Variants in IQCM observed in about 807,000 individuals in gnomAD.
The protein encoded by IQCM is IQ motif containing M.
A neutral mutation model predicts 57.6 loss-of-function variants in IQCM; 45 were observed. The observed-to-expected ratio is 0.78, with a 90% CI of 0.62 to 1.00. The LOEUF is 1.00. Among genes scored for constraint, IQCM ranks in the 50% least tolerant of loss-of-function variants. IQCM has a pLI of 0.00. For synonymous variants in IQCM, 148 were observed against 158.9 expected, an observed-to-expected ratio of 0.93 and a Z score of 0.51; for missense variants, 468 against 511.6, an observed-to-expected ratio of 0.91 and a Z score of 0.82.
chr4:149,704,286 C>T (rs1763989836), intron 5 of IQCM, among the ~76,000 whole-genome samples: 1 of 151,830 alleles, frequency 6.6e-6, no homozygotes, highest in Non-Finnish European at 1.5e-5. Context: ...TCTTGCTCAA[C>T]CCCTGGAATA....
At chr4:149,604,433 A>G (rs892467180) in intron 8 of IQCM, among the ~76,000 whole-genome samples, 1 of 152,190 alleles carries the variant, frequency 6.6e-6, no homozygotes, top group African/African-American at 2.4e-5. Context: ...CTAAAGGTAT[A>G]TAACTAAAGA....
chr4:149,793,713 G>C (rs970262533), intron 2 of IQCM: 4 of 151,796 alleles, frequency 2.6e-5, no homozygotes, highest in Non-Finnish European at 4.4e-5. Context: ...GTCCATGATA[G>C]AATCTATAAA....
intron 5 of IQCM, among the ~76,000 whole-genome samples, chr4:149,694,703 C>T (rs1391432679): frequency 6.6e-6 from 1 of 152,098 alleles, no homozygotes; most frequent in African/African-American, 2.4e-5. Context: ...GAGTGTGTTC[C>T]TCATCACAGA....
intron 12 of IQCM, among the ~76,000 whole-genome samples, chr4:149,443,286 G>A (rs755344981): frequency 6.6e-6 from 1 of 152,014 alleles, no homozygotes; most frequent in Non-Finnish European, 1.5e-5. Flanking sequence ...ATCTAGATTA[G>A]TGTTTGATTG....
At chr4:149,427,181 C>T (rs77396059) in intron 13 of IQCM, among the ~76,000 whole-genome samples, 1 of 151,960 alleles carries the variant, frequency 6.6e-6, no homozygotes, top group South Asian at 2.1e-4. Flanking sequence ...AGCCAAAACT[C>T]TGATGTTGCT....
intron 7 of IQCM, among the ~76,000 whole-genome samples, chr4:149,649,196 C>T (rs1164625250): frequency 6.6e-6 from 1 of 151,884 alleles, no homozygotes; most frequent in Non-Finnish European, 1.5e-5. Context: ...GAAAAGGACC[C>T]CTCCTTTTCT....
At chr4:149,418,333 A>G (rs76265108) in intron 13 of IQCM, among the ~76,000 whole-genome samples, 9,320 of 152,180 alleles carry the variant, frequency 0.061, 393 homozygotes, top group East Asian at 0.18. Flanking sequence ...TAAGCTAGAA[A>G]ATCTAGAAGA....
At chr4:149,793,392 T>G (rs1772818311) in intron 2 of IQCM, among the ~76,000 whole-genome samples, 1 of 152,178 alleles carries the variant, frequency 6.6e-6, no homozygotes. Flanking sequence ...TCAGTTCTTT[T>G]GCTTTACTAC....
At position 149,388,497 on chromosome 4, in the gene IQCM, A is replaced by AAT. The variant is rs1382874124; in HGVS notation, c.1391-36433_1391-36432dup. 2.0e-3 allele frequency among the ~76,000 whole-genome samples: 285 copies of AAT among 143,774 alleles called. 3 individuals are homozygous for AAT. The highest frequency in any genetic ancestry group is 6.9e-3 in the African/African-American group (272 of 39,188). 94.3% of individuals were successfully genotyped at this position (143,774 alleles called of 152,430 possible). On this transcript the variant is annotated intron_variant, in intron 13 of 13. Transcript: ENST00000636793. ...TATTGGACACATACATATATGTCCA[A>AAT]ATATATATATATTATACATATATAT...
chr4:149,360,441 G>T lies in IQCM; in HGVS notation c.1391-8375C>A, dbSNP rs544875857. 3.2e-4 allele frequency among the ~76,000 whole-genome samples: 49 copies of T among 152,230 alleles called. 1 individual carries two copies. In the South Asian group the frequency reaches 9.9e-3, roughly 31 times the overall value. On this transcript the variant is annotated intron_variant, in intron 13 of 13. Coordinates refer to ENST00000636793, the MANE Select transcript of IQCM (RefSeq NM_001363507.2). ...CTGTGGGTTTTGGCATGCTCCGGAG[G>T]TCCTGGAGTCAATTCTCTGTGTATA... is the stretch of plus-strand genomic sequence containing the variant.
intron 13 of IQCM, among the ~76,000 whole-genome samples, chr4:149,366,125 G>A (rs1191584678): frequency 1.3e-5 from 2 of 151,846 alleles, no homozygotes; most frequent in African/African-American, 4.8e-5. Context: ...TTAAAAAGTG[G>A]TACCAACTTT....
intron 2 of IQCM, among the ~76,000 whole-genome samples, chr4:149,797,086 A>G (rs1406710987): frequency 1.3e-5 from 2 of 152,150 alleles, no homozygotes; most frequent in Non-Finnish European, 1.5e-5. Context: ...CCAGGGGCCA[A>G]TCCTGGAGAA....
chr4:149,700,314 C>T (rs1008638749), intron 5 of IQCM, among the ~76,000 whole-genome samples: 10 of 151,932 alleles, frequency 6.6e-5, no homozygotes, highest in Admixed American at 5.9e-4. Context: ...TCAATTAATC[C>T]GGCCCCTTGT....
intron 12 of IQCM, among the ~76,000 whole-genome samples, chr4:149,503,601 G>A (rs190336080): frequency 6.6e-6 from 1 of 152,236 alleles, no homozygotes; most frequent in Non-Finnish European, 1.5e-5. Context: ...CTAAGATTCA[G>A]AATCTAGGAT....
At chr4:149,409,183 T>C (rs1733196481) in intron 13 of IQCM, among the ~76,000 whole-genome samples, 1 of 152,148 alleles carries the variant, frequency 6.6e-6, no homozygotes, top group African/African-American at 2.4e-5. Context: ...TCAGAAAATA[T>C]TTACTGAAGA....
At chr4:149,803,880 G>C (rs1386457024) in intron 2 of IQCM, among the ~76,000 whole-genome samples, 1 of 151,758 alleles carries the variant, frequency 6.6e-6, no homozygotes, top group East Asian at 1.9e-4. Flanking sequence ...TTGATGTGGT[G>C]GTAAGATGAG....
intron 13 of IQCM, among the ~76,000 whole-genome samples, chr4:149,431,949 A>ATG (rs939178165): frequency 2.0e-5 from 3 of 150,502 alleles, no homozygotes; most frequent in African/African-American, 7.3e-5. Context: ...ATATATATAT[A>ATG]TGTGTATGTG....
intron 13 of IQCM, among the ~76,000 whole-genome samples, chr4:149,354,363 C>CAAAAAAAAAAA (rs70965178): frequency 0.075 from 1,450 of 19,426 alleles, 235 homozygotes; most frequent in East Asian, 0.11. Context: ...GACTCCGTCT[C>CAAAAAAAAAAA]AAAAAAAAAA....
chr4:149,496,864 C>G (rs930771405), intron 12 of IQCM, among the ~76,000 whole-genome samples: 2 of 152,092 alleles, frequency 1.3e-5, no homozygotes, highest in African/African-American at 2.4e-5. Context: ...ATACTTAAGC[C>G]ATGAGGCATG....
Sources: allele counts gnomAD v4.1 joint callset (sites outside exome capture counted in the v4.1 genomes callset), GRCh38; gene constraint gnomAD v4.1.1; transcripts MANE v1.5; gene names NCBI Gene and HGNC (gene_info 2026-07-23, HGNC 2026-07-21).